Variants in ERBB4 observed in about 807,000 individuals in gnomAD.
The protein encoded by ERBB4 is erb-b2 receptor tyrosine kinase 4, also known as receptor tyrosine-protein kinase erbB-4.
In ERBB4, 42 loss-of-function variants were observed where a neutral mutation model predicts 158.0. The ratio of observed to expected loss-of-function variants is 0.27; its 90% confidence interval spans 0.21 to 0.34. ERBB4 has a LOEUF of 0.34. Among genes scored for constraint, ERBB4 ranks in the 10% least tolerant of loss-of-function variants. The probability of loss-of-function intolerance (pLI) is 1.00; values close to 1 mark genes in which losing one functional copy is unlikely to be tolerated. For synonymous variants in ERBB4, 583 were observed against 558.7 expected (o/e 1.04, Z -0.61); for missense variants, 1,333 against 1,624.1 (o/e 0.82, Z 3.08).
chr2:211,659,458 A>C (rs115910539), intron 15 of ERBB4, among the ~76,000 whole-genome samples: 3,683 of 152,160 alleles, frequency 0.024, 70 homozygotes, highest in Middle Eastern at 0.092. Context: ...TTTTCTTTTC[A>C]TTATATTCCA....
At chr2:212,380,456 CTGTG>C (rs6147158) in intron 1 of ERBB4, among the ~76,000 whole-genome samples, 176 of 143,126 alleles carry the variant, frequency 1.2e-3, no homozygotes, top group Middle Eastern at 6.9e-3. Context: ...AGGAATGACT[CTGTG>C]TGTGTGTGTG....
In ERBB4 at chr2:211,713,011, C is replaced by T. The variant is rs897656236; in HGVS notation, c.997+524G>A. ...CACAGCTGGAAGAGATTCCTTCCTC[C>T]GCTAAAATTCTATGGCATGAATTAT... On this transcript the variant is annotated intron_variant, in intron 8 of 27. Transcript: ENST00000342788. Among the ~76,000 whole-genome samples the T allele has an allele frequency of 4.6e-5, 7 of 151,976 alleles. No individual in the cohort carries two copies. The East Asian group carries it at 5.8e-4, about 13-fold the overall frequency.
chr2:211,951,167 C>A (rs962984229), intron 2 of ERBB4, among the ~76,000 whole-genome samples: 2 of 152,210 alleles, frequency 1.3e-5, no homozygotes, highest in Non-Finnish European at 1.5e-5. Flanking sequence ...CCATCCCACT[C>A]AGGAAGTGAC....
At chr2:211,734,195 A>G (rs2106161053) in intron 5 of ERBB4, among the ~76,000 whole-genome samples, 1 of 152,304 alleles carries the variant, frequency 6.6e-6, no homozygotes, top group Non-Finnish European at 1.5e-5. Flanking sequence ...TCAAGTCCAA[A>G]TTTCTCATTT....
intron 2 of ERBB4, among the ~76,000 whole-genome samples, chr2:211,972,373 T>G (rs2081479432): frequency 6.6e-6 from 1 of 152,204 alleles, no homozygotes; most frequent in African/African-American, 2.4e-5. Flanking sequence ...CAACTACCAT[T>G]GACATTCTTC....
At chr2:211,683,288 C>A (rs1251368397) in intron 12 of ERBB4, among the ~76,000 whole-genome samples, 2 of 152,048 alleles carry the variant, frequency 1.3e-5, no homozygotes, top group East Asian at 3.9e-4. Flanking sequence ...AGCAAGAATC[C>A]TTAATTTTGT....
chr2:211,567,544 G>A (rs1220453558), intron 19 of ERBB4, among the ~76,000 whole-genome samples: 1 of 152,142 alleles, frequency 6.6e-6, no homozygotes, highest in Admixed American at 6.5e-5. Flanking sequence ...ATGTAAAGTA[G>A]AAGAAAGATT....
chr2:212,043,713 G>A (rs1188418924), intron 2 of ERBB4, among the ~76,000 whole-genome samples: 1 of 152,066 alleles, frequency 6.6e-6, no homozygotes, highest in Non-Finnish European at 1.5e-5. Context: ...AAGAATTAGA[G>A]AGTAAGAACC....
chr2:211,746,482 G>A (rs1188304083), intron 5 of ERBB4, among the ~76,000 whole-genome samples: 15 of 152,048 alleles, frequency 9.9e-5, no homozygotes, highest in Non-Finnish European at 2.2e-4. Context: ...ATTATAACTT[G>A]ATGATTTTCT....
At chr2:212,059,468 A>G (rs2077690299) in intron 2 of ERBB4, among the ~76,000 whole-genome samples, 1 of 152,236 alleles carries the variant, frequency 6.6e-6, no homozygotes, top group Non-Finnish European at 1.5e-5. Context: ...GAACCAAAAA[A>G]GAGCCCACAT....
Position 212,340,544 on chromosome 2 carries a change from G to A in ERBB4, c.82+197905C>T, listed in dbSNP as rs188252496. On this transcript the variant is annotated intron_variant, in intron 1 of 27. Coordinates refer to ENST00000342788, the MANE Select transcript of ERBB4 (RefSeq NM_005235.3). ...ACAGATCATCAGGCATTAGATTCTCGTAAGGAGCATGCCACCCAGATTCCT... is the reference window on the plus strand; with the variant it reads ...ACAGATCATCAGGCATTAGATTCTCATAAGGAGCATGCCACCCAGATTCCT... 2.3e-3 allele frequency among the ~76,000 whole-genome samples: 346 copies of A among 152,266 alleles called. 2 individuals carry two copies. The highest frequency in any genetic ancestry group is 0.01 in the Middle Eastern group (3 of 294).
chr2:212,104,380 T>A (rs1172389760), intron 2 of ERBB4, among the ~76,000 whole-genome samples: 1 of 152,138 alleles, frequency 6.6e-6, no homozygotes, highest in Non-Finnish European at 1.5e-5. Flanking sequence ...ATACAGTTTA[T>A]CTGTATTATC....
rs78675252 is a variant in ERBB4, at chr2:211,950,842, G to A, written c.235-3226C>T. On this transcript the variant is annotated intron_variant, in intron 2 of 27. Transcript: ENST00000342788. ...ACAGCAATTTGTTTAAAATTGCACC[G>A]CGTGGAAAAGTCTAGCTCTAGGGCT... Among the ~76,000 whole-genome samples the A allele has an allele frequency of 1.6e-3, 243 of 152,166 alleles. 1 individual carries two copies. Among genetic ancestry groups the A allele is most frequent in the East Asian group, 2.1e-3 (11 of 5,168 alleles).
At chr2:211,422,920 A>AACAATATTTAATAGAAT (rs1243496080) in intron 23 of ERBB4, among the ~76,000 whole-genome samples, 5 of 151,850 alleles carry the variant, frequency 3.3e-5, no homozygotes, top group African/African-American at 9.7e-5. Flanking sequence ...ATGTCTACCA[A>AACAATATTTAATAGAAT]ACAATATTTA....
chr2:211,630,607 A>C lies in ERBB4; in HGVS notation c.1947-13T>G, dbSNP rs2070074685. 6 of 1,601,506 alleles carry C rather than the reference A, an allele frequency of 3.7e-6. No individual in the cohort carries two copies. The highest frequency in any genetic ancestry group is 2.9e-5 in the African/African-American group (2 of 68,752). ...AATCAGGGGAGTTCTGACAACCAGA[A>C]TGAGAAAAAAAAAAATAAAAAGTAT... On this transcript the variant is annotated splice_polypyrimidine_tract_variant and intron_variant, in intron 16 of 27. Transcript: ENST00000342788.
At chr2:212,311,832 T>C (rs1258209025) in intron 1 of ERBB4, among the ~76,000 whole-genome samples, 1 of 150,868 alleles carries the variant, frequency 6.6e-6, no homozygotes, top group Non-Finnish European at 1.5e-5. Flanking sequence ...AACTAACAAA[T>C]GCAGAGAAAG....
At chr2:211,860,828 A>C (rs1433789178) in intron 3 of ERBB4, among the ~76,000 whole-genome samples, 1 of 148,280 alleles carries the variant, frequency 6.7e-6, no homozygotes. Flanking sequence ...CTCTATAATA[A>C]CCATTAGAGA....
intron 1 of ERBB4, among the ~76,000 whole-genome samples, chr2:212,201,647 T>G (rs1188331962): frequency 6.6e-6 from 1 of 152,212 alleles, no homozygotes; most frequent in African/African-American, 2.4e-5. Context: ...GCATGTCCTA[T>G]ATTTTAAAAT....
At chr2:212,029,052 G>A (rs577855666) in intron 2 of ERBB4, among the ~76,000 whole-genome samples, 3 of 151,970 alleles carry the variant, frequency 2.0e-5, no homozygotes, top group East Asian at 3.9e-4. Flanking sequence ...ACACCCGGGC[G>A]TTGCCTCCCC....
Sources: allele counts gnomAD v4.1 joint callset (sites outside exome capture counted in the v4.1 genomes callset), GRCh38; gene constraint gnomAD v4.1.1; transcripts MANE v1.5; gene names NCBI Gene and HGNC (gene_info 2026-07-23, HGNC 2026-07-21).